Variants in RELCH observed in about 807,000 individuals in gnomAD.
The protein encoded by RELCH is RAB11-binding protein RELCH.
A neutral mutation model predicts 150.3 loss-of-function variants in RELCH; 41 were observed. The ratio of observed to expected loss-of-function variants is 0.27; its 90% CI spans 0.21 to 0.35. RELCH has a LOEUF of 0.35. RELCH is among the 10% of genes least tolerant of loss of function. The probability of loss-of-function intolerance (pLI) is 1.00; values close to 1 mark genes in which losing one functional copy is unlikely to be tolerated. For missense variants in RELCH, 1,092 were observed against 1,467.8 expected, an observed-to-expected ratio of 0.74 and a Z score of 4.18; for synonymous variants, 478 against 531.8, an observed-to-expected ratio of 0.90 and a Z score of 1.39.
chr18:62,227,274 T>C lies in RELCH; in HGVS notation c.859-15T>C. 6.7e-7 allele frequency: 1 copy of C among 1,494,876 alleles called. No homozygotes were observed. Among genetic ancestry groups the C allele is most frequent in the Non-Finnish European group, 9.1e-7 (1 of 1,098,942 alleles). 92.6% of individuals were successfully genotyped at this position (1,494,876 alleles called of 1,614,324 possible). A position where few individuals can be genotyped will look rare whatever the true frequency, so the allele number is the denominator to read the frequency against. On this transcript the variant is annotated splice_polypyrimidine_tract_variant and intron_variant, in intron 5 of 28. Coordinates refer to ENST00000644646, the MANE Select transcript of RELCH (RefSeq NM_001346231.2). ...TTTCCTCGAAGATTTTTTATGTTTT[T>C]TTTTTATCTTTTAGGATTTTGAATT...
intron 17 of RELCH, 86 bp from the exon 18 acceptor site, chr18:62,264,643 A>T: frequency 1.0e-6 from 1 of 987,550 alleles, no homozygotes; most frequent in Non-Finnish European, 1.5e-6. Context: ...AGAACAGGTT[A>T]TTAGATTTGC....
At chr18:62,205,716 GT>G (rs2039734751) in intron 1 of RELCH, among the ~76,000 whole-genome samples, 1 of 152,066 alleles carries the variant, frequency 6.6e-6, no homozygotes, top group Non-Finnish European at 1.5e-5. Flanking sequence ...CATTATTTTT[GT>G]TTATGTTGTC....
intron 1 of RELCH, among the ~76,000 whole-genome samples, chr18:62,193,843 A>T (rs1483344596): frequency 6.6e-6 from 1 of 152,096 alleles, no homozygotes; most frequent in East Asian, 1.9e-4. Flanking sequence ...GGTTTTTTAC[A>T]TGTTGGTTTT....
intron 5 of RELCH, among the ~76,000 whole-genome samples, chr18:62,226,592 C>G (rs916468087): frequency 2.6e-5 from 4 of 151,996 alleles, no homozygotes; most frequent in African/African-American, 9.7e-5. Context: ...AATTTATGTA[C>G]TGAGACTTCC....
At chr18:62,257,774 CA>C (rs544020181) in intron 13 of RELCH, among the ~76,000 whole-genome samples, 173 bp from the exon 14 acceptor site, 32 of 144,144 alleles carry the variant, frequency 2.2e-4, no homozygotes, top group African/African-American at 4.1e-4. Context: ...TTTATGTCTT[CA>C]AAAAAAAAAG....
chr18:62,218,634 A>C (rs1482497595), intron 2 of RELCH, among the ~76,000 whole-genome samples: 1 of 151,918 alleles, frequency 6.6e-6, no homozygotes, highest in Non-Finnish European at 1.5e-5. Context: ...GCTTATACTG[A>C]CTTTTAAGTG....
chr18:62,280,945 C>T (rs960898073), intron 24 of RELCH, among the ~76,000 whole-genome samples: 3 of 152,164 alleles, frequency 2.0e-5, no homozygotes, highest in Non-Finnish European at 4.4e-5. Context: ...GCCAAGCTTT[C>T]AGGGATGTCC....
rs1485836736 is a variant in RELCH at position 62,257,964 on chromosome 18, C to T, written c.1913C>T (p.Ser638Phe). ...TATTTTCAGAAAGAAATCCGTAGCT[C>T]CTTGGTTCTTTCAATGTTGCAACAA... ...APYLPKEIRSSLVLSMLQQML... is the reference protein window; with the variant it reads ...APYLPKEIRSFLVLSMLQQML... The change falls in exon 14 of 29, where the codon TCC becomes TTC. Residue 638 changes from serine to phenylalanine, a missense_variant. Ser to Phe is a radical substitution (Grantham distance 155). Coordinates refer to ENST00000644646, the MANE Select transcript of RELCH (RefSeq NM_001346231.2). 1 of 1,600,234 alleles carries T rather than the reference C, an allele frequency of 6.2e-7. No individual in the cohort carries two copies. Among genetic ancestry groups the T allele is most frequent in the Admixed American group, 1.7e-5 (1 of 57,552 alleles).
chr18:62,295,443 T>A (rs1374228152), intron 27 of RELCH, among the ~76,000 whole-genome samples: 1 of 152,064 alleles, frequency 6.6e-6, no homozygotes, highest in African/African-American at 2.4e-5. Context: ...TTTTCTGTTT[T>A]ACTTATATCT....
intron 5 of RELCH, among the ~76,000 whole-genome samples, chr18:62,226,212 T>G (rs1458221129): frequency 6.6e-6 from 1 of 152,108 alleles, no homozygotes; most frequent in Non-Finnish European, 1.5e-5. Flanking sequence ...GAAGATAGAA[T>G]GGTGAGACAG....
In RELCH at chr18:62,305,349, C is replaced by T; in HGVS notation, c.3531-65C>T. 7.0e-7 allele frequency: 1 copy of T among 1,435,110 alleles called. No individual in the cohort carries two copies. The highest frequency in any genetic ancestry group is 9.4e-7 in the Non-Finnish European group (1 of 1,060,916). The allele number at this position is 1,435,110 out of a possible 1,614,324, so 88.9% of individuals were successfully genotyped here. ...GAGTGTGTTCGTTAATGATATGCTA[C>T]TAAATAAATGAAAAATTTTTATTTT... On this transcript the variant is annotated intron_variant, in intron 28 of 28. Coordinates refer to ENST00000644646, the MANE Select transcript of RELCH (RefSeq NM_001346231.2). This position sits in a 1 kb window ranked among gnomAD's most constrained non-coding sequence, Gnocchi z 4.0.
intron 16 of RELCH, 104 bp from the exon 17 acceptor site, chr18:62,263,885 T>C: frequency 5.4e-6 from 4 of 742,686 alleles, no homozygotes; most frequent in Non-Finnish European, 8.6e-6. Context: ...AATAAGAAAG[T>C]AATTAAATAT....
intron 27 of RELCH, among the ~76,000 whole-genome samples, chr18:62,297,931 C>T (rs74915706): frequency 0.021 from 3,189 of 152,240 alleles, 100 homozygotes; most frequent in East Asian, 0.13. Context: ...TACCGTTCTC[C>T]ACTTTGGCCT....
Position 62,228,265 on chromosome 18 carries a change from G to T in RELCH, c.1155-40G>T, listed in dbSNP as rs949612602. On this transcript the variant is annotated intron_variant, in intron 7 of 28. Coordinates refer to ENST00000644646, the MANE Select transcript of RELCH (RefSeq NM_001346231.2). ...ATTTATGCTAGTTTTCAAAAATACA[G>T]TTGTCCTCTGGTGATTTCTCTTAAT... is the stretch of plus-strand genomic sequence containing the variant. 14 of 1,514,394 alleles carry T rather than the reference G, an allele frequency of 9.2e-6. No individual in the cohort carries two copies. The African/African-American group carries it at 1.7e-4, about 18-fold the overall frequency. 93.8% of individuals were successfully genotyped at this position (1,514,394 alleles called of 1,614,324 possible). A position where few individuals can be genotyped will look rare whatever the true frequency, so the allele number is the denominator to read the frequency against.
chr18:62,248,500 T>C (rs1207247360), intron 11 of RELCH, among the ~76,000 whole-genome samples: 3 of 152,190 alleles, frequency 2.0e-5, no homozygotes, highest in African/African-American at 7.2e-5. Context: ...CTGCAATATT[T>C]TCATTCTTAC....
intron 1 of RELCH, among the ~76,000 whole-genome samples, chr18:62,192,350 C>T (rs1568289224): frequency 6.6e-6 from 1 of 152,172 alleles, no homozygotes; most frequent in Non-Finnish European, 1.5e-5. Flanking sequence ...TGTCTGTTCA[C>T]TCTGATAGTT....
chr18:62,205,757 G>T lies in RELCH; in HGVS notation c.527-5396G>T, dbSNP rs2039737050. On this transcript the variant is annotated intron_variant, in intron 1 of 28. Coordinates refer to ENST00000644646, the MANE Select transcript of RELCH (RefSeq NM_001346231.2). ...AACTTAAATTGGGCTGGGTGTGGTG[G>T]CTCTCGCCTATAATCCCAGCACTTT... Among the ~76,000 whole-genome samples, 4 of 152,264 alleles carry T rather than the reference G, an allele frequency of 2.6e-5. No individual in the cohort carries two copies. The South Asian group carries it at 8.3e-4, about 32-fold the overall frequency.
At chr18:62,207,454 T>C (rs2039874872) in intron 1 of RELCH, among the ~76,000 whole-genome samples, 1 of 152,240 alleles carries the variant, frequency 6.6e-6, no homozygotes, top group Admixed American at 6.5e-5. Flanking sequence ...ATAATGCTGC[T>C]ATGAATAATT....
At chr18:62,261,193 A>T (rs1436104451) in intron 15 of RELCH, among the ~76,000 whole-genome samples, 1 of 152,004 alleles carries the variant, frequency 6.6e-6, no homozygotes. Flanking sequence ...TTCTAACAAG[A>T]AAAAAGATAA....
Sources: allele counts gnomAD v4.1 joint callset (sites outside exome capture counted in the v4.1 genomes callset), GRCh38; gene constraint gnomAD v4.1.1; non-coding constraint Gnocchi (gnomAD v3.1); transcripts MANE v1.5; gene names NCBI Gene and HGNC (gene_info 2026-07-23, HGNC 2026-07-21).